The following CST9L variants were observed in gnomAD, a reference collection of about 807,000 sequenced individuals.
CST9L encodes cystatin 9 like, also known as cystatin-9-like.
Under a neutral mutation model 13.2 loss-of-function variants are expected in CST9L, and 17 were observed. That is an observed-to-expected ratio of 1.29 (90% confidence interval 0.88 to 1.93). The LOEUF is 1.93. Ranked by LOEUF, CST9L falls within the 30% of genes most tolerant of loss-of-function variation. CST9L has a pLI of 0.00. For missense variants in CST9L, 170 were observed against 170.5 expected (o/e 1.00, Z 0.02); for synonymous variants, 78 against 69.1 (o/e 1.13, Z -0.64).
chr20:23,568,366 A>T lies in CST9L; in HGVS notation c.85T>A (p.Trp29Arg). 6.2e-7 allele frequency: 1 copy of T among 1,614,222 alleles called. No homozygotes were observed. The highest frequency in any genetic ancestry group is 1.1e-5 in the South Asian group (1 of 91,084). Residue 29 changes from tryptophan to arginine, a missense_variant, in exon 1 of 3, where the codon TGG (tryptophan) becomes AGG (arginine). Transcript: ENST00000376979. ...CAGTCCCTTTGCTCGTGGAAATGCCAGGCATAGATCAGCAGGATCTGGGAG... is the reference window on the plus strand; with the variant it reads ...CAGTCCCTTTGCTCGTGGAAATGCCTGGCATAGATCAGCAGGATCTGGGAG... ...LGSQILLIYA[W>R]HFHEQRDCDE...
chr20:23,565,158 C>T (rs910386544), intron 2 of CST9L, 121 bp from the exon 3 acceptor site: 12 of 738,844 alleles, frequency 1.6e-5, no homozygotes, highest in East Asian at 5.1e-5. Context: ...AGTGGGAAGA[C>T]GGGGCCTCTG....
chr20:23,564,825 A>G lies in CST9L; in HGVS notation c.*123T>C. 1.4e-6 allele frequency: 1 copy of G among 736,456 alleles called. No homozygotes were observed. Among genetic ancestry groups the G allele is most frequent in the Non-Finnish European group, 2.5e-6 (1 of 402,776 alleles). 45.6% of individuals were successfully genotyped at this position (736,456 alleles called of 1,614,324 possible). On this transcript the variant is annotated 3_prime_UTR_variant, in exon 3 of 3. Transcript: ENST00000376979. ...AACACTGATCTGAGATCTCAAACAC[A>G]TGCAAAATAGGATAACAAACAAGTC...
In CST9L at chr20:23,564,898, T is replaced by C. The variant is rs760270167; in HGVS notation, c.*50A>G. 3.2e-5 allele frequency: 41 copies of C among 1,290,710 alleles called. No homozygotes were observed. Among genetic ancestry groups the C allele is most frequent in the Non-Finnish European group, 4.6e-5 (41 of 884,752 alleles). 80.0% of individuals were successfully genotyped at this position (1,290,710 alleles called of 1,614,324 possible). A position where few individuals can be genotyped will look rare whatever the true frequency, so the allele number is the denominator to read the frequency against. ...AGTCCTCAGGAGAGTAGTGCTGATG[T>C]CCACGGAATGTGGGAGCAGCACATG... is the stretch of plus-strand genomic sequence containing the variant. On this transcript the variant is annotated 3_prime_UTR_variant, in exon 3 of 3. Transcript: ENST00000376979.
At chr20:23,565,097 C>T (rs1267278071) in intron 2 of CST9L, 60 bp from the exon 3 acceptor site, 1 of 1,209,626 alleles carries the variant, frequency 8.3e-7, no homozygotes, top group Admixed American at 1.7e-5. Flanking sequence ...GCTCATGGCT[C>T]AAGCTCTGAA....
Position 23,565,035 on chromosome 20 carries a change from A to T in CST9L, c.357T>A (p.Thr119=), listed in dbSNP as rs1033886747. The change falls in exon 3 of 3, where the codon ACT becomes ACA. Residue 119 remains threonine (T), a splice_region_variant and synonymous_variant. Transcript: ENST00000376979. ...TGCTGATGGTGAAGAAGCAGGTGAA[A>T]GTCTGAGAGAACAAGCACAGGAAGG... is the stretch of plus-strand genomic sequence containing the variant. ...HFQESTELNN[T]FTCFFTISTR... is the part of the protein sequence containing the mutation. The T allele has an allele frequency of 4.3e-6, 7 of 1,612,792 alleles. No individual in the cohort carries two copies. The highest frequency in any genetic ancestry group is 5.9e-6 in the Non-Finnish European group (7 of 1,178,904).
In CST9L at chr20:23,566,074, G is replaced by T; in HGVS notation, c.254C>A (p.Thr85Asn). ...CAGCAGTAGCTCCATTGAGAATACA[G>T]TCTTGGACTCCACCTATTGCACACA... ...NSWKEQVESKTVFSMELLLGR... is the reference protein window; with the variant it reads ...NSWKEQVESKNVFSMELLLGR... The change falls in exon 2 of 3, where the codon ACT (threonine) becomes AAT (asparagine). Residue 85 changes from threonine (T) to asparagine (N), a missense_variant. Coordinates refer to ENST00000376979, the MANE Select transcript of CST9L (RefSeq NM_080610.3). 1 of 1,590,616 alleles carries T rather than the reference G, an allele frequency of 6.3e-7. No homozygotes were observed. Among genetic ancestry groups the T allele is most frequent in the Non-Finnish European group, 8.6e-7 (1 of 1,158,446 alleles).
rs779517936 is a variant in CST9L at position 23,568,404 on chromosome 20, A to C, written c.47T>G (p.Leu16Arg). ...WKGGLSWALL[L>R]LLLGSQILLI... Reference sequence around the variant, plus strand: ...CAGGATCTGGGAGCCTAAGAGAAGCAGCAGCAGCGCCCAGGACAGACCTCC... The same window carrying C: ...CAGGATCTGGGAGCCTAAGAGAAGCCGCAGCAGCGCCCAGGACAGACCTCC... Residue 16 changes from leucine (L) to arginine (R), a missense_variant, in exon 1 of 3, where the codon CTG becomes CGG. By Grantham distance (102) the Leu-to-Arg change is moderately radical. Coordinates refer to ENST00000376979, the MANE Select transcript of CST9L (RefSeq NM_080610.3). 6.2e-7 allele frequency: 1 copy of C among 1,614,202 alleles called. No homozygotes were observed. Among genetic ancestry groups the C allele is most frequent in the Admixed American group, 1.7e-5 (1 of 60,028 alleles).
At position 23,564,991 on chromosome 20, in the gene CST9L, T is replaced by A; in HGVS notation, c.401A>T (p.Gln134Leu). 1 of 1,614,096 alleles carries A rather than the reference T, an allele frequency of 6.2e-7. No homozygotes were observed. Among genetic ancestry groups the A allele is most frequent in the East Asian group, 2.2e-5 (1 of 44,876 alleles). The change falls in exon 3 of 3, where the codon CAG (glutamine) becomes CTG (leucine). Residue 134 changes from glutamine to leucine, a missense_variant. Coordinates refer to ENST00000376979, the MANE Select transcript of CST9L (RefSeq NM_080610.3). Reference sequence around the variant, plus strand: ...GCAGGTCTTGTTCAGGAGGCTGAACTGAGTCATCCAGGGCCTGGTGCTGAT... The same window carrying A: ...GCAGGTCTTGTTCAGGAGGCTGAACAGAGTCATCCAGGGCCTGGTGCTGAT... ...FTISTRPWMT[Q>L]FSLLNKTCLE...
At chr20:23,567,520 A>C (rs1387233491) in intron 1 of CST9L, among the ~76,000 whole-genome samples, 1 of 151,864 alleles carries the variant, frequency 6.6e-6, no homozygotes, top group East Asian at 1.9e-4. Context: ...AAAAAAAAAA[A>C]AAAAAAAGTC....
chr20:23,566,420 G>C (rs1339629413), intron 1 of CST9L, among the ~76,000 whole-genome samples: 1 of 152,194 alleles, frequency 6.6e-6, no homozygotes, highest in Non-Finnish European at 1.5e-5. Context: ...CCTGGGGAGG[G>C]GTTTGGCTCT....
At position 23,568,205 on chromosome 20, in the gene CST9L, A is replaced by T; in HGVS notation, c.240+6T>A. 1.2e-6 allele frequency: 2 copies of T among 1,614,138 alleles called. No homozygotes were observed. ...TGCCAGGGCAGGAGGGTACGTGGTC[A>T]CCAACCTGCTCCTTCCAGGAATTCA... On this transcript the variant is annotated splice_donor_region_variant and intron_variant, in intron 1 of 2. Coordinates refer to ENST00000376979, the MANE Select transcript of CST9L (RefSeq NM_080610.3).
chr20:23,565,246 CA>C (rs1404882000), intron 2 of CST9L, among the ~76,000 whole-genome samples: 2 of 152,158 alleles, frequency 1.3e-5, no homozygotes, highest in African/African-American at 2.4e-5. Flanking sequence ...TTTTCTGACC[CA>C]GGGGCGCCTG....
chr20:23,567,084 G>A (rs1490096143), intron 1 of CST9L, among the ~76,000 whole-genome samples: 5 of 152,216 alleles, frequency 3.3e-5, no homozygotes, highest in Non-Finnish European at 5.9e-5. Flanking sequence ...AGGGGTCAGA[G>A]AACCAGCCAG....
intron 2 of CST9L, among the ~76,000 whole-genome samples, chr20:23,565,683 C>T (rs537881516): frequency 6.6e-6 from 1 of 152,304 alleles, no homozygotes; most frequent in South Asian, 2.1e-4. Flanking sequence ...ACCCAGGAGA[C>T]TGGGACCCCA....
intron 1 of CST9L, among the ~76,000 whole-genome samples, chr20:23,566,746 T>G (rs1989101881): frequency 6.6e-6 from 1 of 151,956 alleles, no homozygotes. Flanking sequence ...TAGCTGGGCA[T>G]GGTGGCAGGT....
At chr20:23,565,424 T>C (rs938070973) in intron 2 of CST9L, among the ~76,000 whole-genome samples, 3 of 152,174 alleles carry the variant, frequency 2.0e-5, no homozygotes, top group Non-Finnish European at 2.9e-5. Flanking sequence ...AGGGTGTTGA[T>C]TAAGCATAGG....
chr20:23,565,139 A>ACTGCTTGACCT, intron 2 of CST9L, 102 bp from the exon 3 acceptor site: 1 of 841,648 alleles, frequency 1.2e-6, no homozygotes, highest in Non-Finnish European at 2.0e-6. Flanking sequence ...GCCCTTTCCC[A>ACTGCTTGACCT]GGTCAAGCAG....
At position 23,568,238 on chromosome 20, in the gene CST9L, C is replaced by T. The variant is rs763533371; in HGVS notation, c.213G>A (p.Gly71=). The change falls in exon 1 of 3, where the codon GGG becomes GGA. Residue 71 remains glycine, a synonymous_variant. Coordinates refer to ENST00000376979, the MANE Select transcript of CST9L (RefSeq NM_080610.3). ...QSKDYYAYRL[G]HILNSWKEQV... is the part of the protein sequence containing the mutation. ...GCTCCTTCCAGGAATTCAAGATGTG[C>T]CCCAGTCTGTAGGCATAGTAGTCCT... 6.2e-6 allele frequency: 10 copies of T among 1,614,132 alleles called. No homozygotes were observed. Among genetic ancestry groups the T allele is most frequent in the Non-Finnish European group, 7.6e-6 (9 of 1,180,012 alleles).
chr20:23,566,244 G>A (rs999503730), intron 1 of CST9L, among the ~76,000 whole-genome samples, 157 bp from the exon 2 acceptor site: 13 of 152,150 alleles, frequency 8.5e-5, no homozygotes, highest in Non-Finnish European at 1.8e-4. Context: ...TTTAGATTGG[G>A]CAGTTAAGAA....
Sources: allele counts gnomAD v4.1 joint callset (sites outside exome capture counted in the v4.1 genomes callset), GRCh38; gene constraint gnomAD v4.1.1; transcripts MANE v1.5; gene names NCBI Gene and HGNC (gene_info 2026-07-23, HGNC 2026-07-21).